Variants in GTPBP2 observed in about 807,000 individuals in gnomAD.
GTPBP2 encodes the protein GTP-binding protein 2.
GTPBP2 carries 32 observed loss-of-function variants against 63.0 expected under a neutral mutation model. The observed-to-expected ratio is 0.51, with a 90% CI of 0.38 to 0.68. The LOEUF (loss-of-function observed/expected upper bound fraction) is 0.68. GTPBP2 is among the 30% of genes least tolerant of loss of function. The pLI is 0.00. For missense variants in GTPBP2, 492 were observed against 796.9 expected (o/e 0.62, Z 4.61); for synonymous variants, 310 against 322.6 (o/e 0.96, Z 0.42).
rs957708183 is a variant in GTPBP2, at chr6:43,626,560, C to T, written c.214-150G>A. On this transcript the variant is annotated intron_variant, in intron 2 of 11. Transcript: ENST00000307126. The surrounding 1 kb of genome is among the most constrained non-coding windows in gnomAD (Gnocchi z 4.0). ...CCTCCAACAGAACGAGGTACAGAGCCCTTAACCTGAACCATATCCTTAAAC... is the reference window on the plus strand; with the variant it reads ...CCTCCAACAGAACGAGGTACAGAGCTCTTAACCTGAACCATATCCTTAAAC... The T allele has an allele frequency of 7.9e-6, 5 of 633,860 alleles. No individual in the cohort carries two copies. In the African/African-American group the frequency reaches 9.2e-5, roughly 12 times the overall value. The allele number at this position is 633,860 out of a possible 1,614,324, so 39.3% of individuals were successfully genotyped here. A position where few individuals can be genotyped will look rare whatever the true frequency, so the allele number is the denominator to read the frequency against.
chr6:43,629,075 C>G lies in GTPBP2; in HGVS notation c.88G>C (p.Ala30Pro). 6.3e-7 allele frequency: 1 copy of G among 1,598,388 alleles called. No homozygotes were observed. The highest frequency in any genetic ancestry group is 1.7e-5 in the Admixed American group (1 of 57,558). Residue 30 changes from alanine to proline, a missense_variant, in exon 1 of 12, where the codon GCC (alanine) becomes CCC (proline). Ala to Pro is a conservative substitution (Grantham distance 27). Transcript: ENST00000307126. Reference sequence around the variant, plus strand: ...CCCCCGCAGCCGCTGCTGCTGCCGGCCCCCCTAGCCTTGAGGGTTCCGCCC... The same window carrying G: ...CCCCCGCAGCCGCTGCTGCTGCCGGGCCCCCTAGCCTTGAGGGTTCCGCCC... ...AVGGTLKARG[A>P]GSSSGCGGPK... is the part of the protein sequence containing the mutation.
intron 11 of GTPBP2, 63 bp from the exon 12 acceptor site, chr6:43,621,853 G>T (rs1330043939): frequency 6.2e-7 from 1 of 1,611,864 alleles, no homozygotes; most frequent in Non-Finnish European, 8.5e-7. Flanking sequence ...TGCCAGCCGT[G>T]GCTCTCCACC....
chr6:43,623,492 C>G (rs2127837103), intron 9 of GTPBP2: 1 of 556,888 alleles, frequency 1.8e-6, no homozygotes. Flanking sequence ...CTTCCTGGAG[C>G]TCAAGACCCA....
chr6:43,628,266 C>T (rs1398644923), intron 1 of GTPBP2, among the ~76,000 whole-genome samples: 1 of 152,070 alleles, frequency 6.6e-6, no homozygotes, highest in African/African-American at 2.4e-5. Flanking sequence ...CGGGAGGCTG[C>T]AGCAGAAGAA....
At chr6:43,627,233 C>T in intron 1 of GTPBP2, 1 of 1,067,886 alleles carries the variant, frequency 9.4e-7, no homozygotes, top group Non-Finnish European at 1.2e-6. Context: ...CACGTTCTTC[C>T]TAGATGCAAG....
chr6:43,629,296 A>G (rs1283535500), upstream of GTPBP2: 1 of 643,724 alleles, frequency 1.6e-6, no homozygotes, highest in East Asian at 3.5e-5. Context: ...TACGCCCCCC[A>G]CCTCCCTGGC....
rs753537546 is a variant in GTPBP2 at position 43,624,909 on chromosome 6, C to G, written c.859G>C (p.Val287Leu). Reference protein sequence around the residue: ...SYCPDCALLLVSANTGIAGTT... With the variant: ...SYCPDCALLLLSANTGIAGTT... ...GTACCAATCCCAGTGTTGGCACTGA[C>G]GAGGAGCAGGGCGCAGTCGGGGCAG... The change falls in exon 6 of 12, where the codon GTC becomes CTC. Residue 287 changes from valine to leucine, a missense_variant. Val to Leu is a conservative substitution (Grantham distance 32). Around this residue, in one of 2 missense-constraint regions of GTPBP2, gnomAD observed 400 missense variants for 710.8 expected, o/e 0.56. Transcript: ENST00000307126. This position sits in a 1 kb window ranked among gnomAD's most constrained non-coding sequence, Gnocchi z 5.1. 2.5e-6 allele frequency: 4 copies of G among 1,613,958 alleles called. No homozygotes were observed. The highest frequency in any genetic ancestry group is 3.4e-6 in the Non-Finnish European group (4 of 1,179,998).
rs2127832274 is a variant in GTPBP2 at position 43,621,639 on chromosome 6, T to G, written c.1784A>C (p.Glu595Ala). The change falls in exon 12 of 12, where the codon GAA becomes GCA. Residue 595 changes from glutamate (E) to alanine (A), a missense_variant. By Grantham distance (107) the Glu-to-Ala change is moderately radical. Transcript: ENST00000307126. ...TCAGAAGCCCATGTTGGCCTGGGCT[T>G]CTCCTGCTGTAATGGCTTGTACATC... ...VTDVQAITAG[E>A]AQANMGF 3.1e-6 allele frequency: 5 copies of G among 1,614,244 alleles called. No homozygotes were observed. In the Admixed American group the frequency reaches 6.7e-5, roughly 22 times the overall value.
At position 43,626,195 on chromosome 6, in the gene GTPBP2, AAGG is replaced by A. The variant is rs754405041; in HGVS notation, c.398+28_398+30del. 1.2e-6 allele frequency: 2 copies of A among 1,601,836 alleles called. No individual in the cohort carries two copies. Among genetic ancestry groups the A allele is most frequent in the African/African-American group, 1.3e-5 (1 of 74,822 alleles). On this transcript the variant is annotated intron_variant, in intron 3 of 11. Transcript: ENST00000307126. The surrounding 1 kb of genome is among the most constrained non-coding windows in gnomAD (Gnocchi z 4.0). ...TGCATGGGTCCCCCCAAGTCAGGTA[AAGG>A]AGAACTGGTGGGGAAGGGGAAGCAT...
Position 43,625,578 on chromosome 6 carries a change from G to C in GTPBP2, c.508-18C>G. On this transcript the variant is annotated intron_variant, in intron 4 of 11. Coordinates refer to ENST00000307126, the MANE Select transcript of GTPBP2 (RefSeq NM_019096.5). This position sits in a 1 kb window ranked among gnomAD's most constrained non-coding sequence, Gnocchi z 5.1. ...TCTAGGAACTGTGGATGAATTGCCA[G>C]AGATAAGAACTCCAATCTCTCACCC... is the stretch of plus-strand genomic sequence containing the variant. The C allele has an allele frequency of 6.2e-7, 1 of 1,600,974 alleles. No homozygotes were observed. Among genetic ancestry groups the C allele is most frequent in the Non-Finnish European group, 8.6e-7 (1 of 1,168,052 alleles).
At chr6:43,623,132 T>C in intron 9 of GTPBP2, 1 of 259,146 alleles carries the variant, frequency 3.9e-6, no homozygotes. Context: ...GGCTCACACC[T>C]GTAATCCTAG....
Position 43,629,224 on chromosome 6 carries a change from C to T in GTPBP2, c.-62G>A. ...CCGACCGCCGCCGCCGTCGCCGCCG[C>T]CCTTACTGCCACTGCCGTGTCCGGC... On this transcript the variant is annotated 5_prime_UTR_variant, in exon 1 of 12. Transcript: ENST00000307126. 4.3e-6 allele frequency: 5 copies of T among 1,175,052 alleles called. No individual in the cohort carries two copies. Among genetic ancestry groups the T allele is most frequent in the South Asian group, 2.3e-5 (1 of 44,162 alleles). 72.8% of individuals were successfully genotyped at this position (1,175,052 alleles called of 1,614,324 possible). A position where few individuals can be genotyped will look rare whatever the true frequency, so the allele number is the denominator to read the frequency against.
chr6:43,626,550 G>A lies in GTPBP2; in HGVS notation c.214-140C>T. ...ACCTGATCCCCCTCCAACAGAACGA[G>A]GTACAGAGCCCTTAACCTGAACCAT... is the stretch of plus-strand genomic sequence containing the variant. On this transcript the variant is annotated intron_variant, in intron 2 of 11. Coordinates refer to ENST00000307126, the MANE Select transcript of GTPBP2 (RefSeq NM_019096.5). This position sits in a 1 kb window ranked among gnomAD's most constrained non-coding sequence, Gnocchi z 4.0. 1 of 651,986 alleles carries A rather than the reference G, an allele frequency of 1.5e-6. No homozygotes were observed. The highest frequency in any genetic ancestry group is 2.7e-6 in the Non-Finnish European group (1 of 376,674). 40.4% of individuals were successfully genotyped at this position (651,986 alleles called of 1,614,324 possible). A position where few individuals can be genotyped will look rare whatever the true frequency, so the allele number is the denominator to read the frequency against.
rs760476595 is a variant in GTPBP2, at chr6:43,624,884, G to C, written c.880+4C>G. 2.5e-6 allele frequency: 4 copies of C among 1,613,808 alleles called. No individual in the cohort carries two copies. The highest frequency in any genetic ancestry group is 3.4e-6 in the Non-Finnish European group (4 of 1,179,782). The stretch of plus-strand genomic sequence containing the variant: ...AGCCCTGTCCCTGCCCTAATGCCTC[G>C]TACCAATCCCAGTGTTGGCACTGAC... On this transcript the variant is annotated splice_donor_region_variant and intron_variant, in intron 6 of 11. Transcript: ENST00000307126. The surrounding 1 kb of genome is among the most constrained non-coding windows in gnomAD (Gnocchi z 5.1).
chr6:43,628,792 A>G, intron 1 of GTPBP2, 185 bp downstream of exon 1: 1 of 810,416 alleles, frequency 1.2e-6, no homozygotes, highest in Non-Finnish European at 2.2e-6. Context: ...CTGTCACCTG[A>G]GAGTCCAGTC....
Position 43,625,871 on chromosome 6 carries a change from CA to C in GTPBP2, c.399-8del, listed in dbSNP as rs1769278641. On this transcript the variant is annotated splice_region_variant and splice_polypyrimidine_tract_variant and intron_variant, in intron 3 of 11. Transcript: ENST00000307126. The surrounding 1 kb of genome is among the most constrained non-coding windows in gnomAD (Gnocchi z 5.1). The stretch of plus-strand genomic sequence containing the variant: ...GGTTATGTCTGCCCCAACCCTGTCA[CA>C]GCAAGGCCACAGCTGCCATATCTCA... The C allele has an allele frequency of 6.2e-7, 1 of 1,606,062 alleles. No homozygotes were observed.
In GTPBP2 at chr6:43,625,718, A is replaced by G. The variant is rs1554143799; in HGVS notation, c.507+38T>C. 8.5e-6 allele frequency: 13 copies of G among 1,522,146 alleles called. No individual in the cohort carries two copies. The South Asian group carries it at 1.5e-4, about 17-fold the overall frequency. The allele number at this position is 1,522,146 out of a possible 1,614,324, so 94.3% of individuals were successfully genotyped here. On this transcript the variant is annotated intron_variant, in intron 4 of 11. Transcript: ENST00000307126. This position sits in a 1 kb window ranked among gnomAD's most constrained non-coding sequence, Gnocchi z 5.1. The stretch of plus-strand genomic sequence containing the variant: ...GCCTGCCACCACAGGGCCCTTCCAC[A>G]GTGTGGACATGAGAGACAGGGATGG...
In GTPBP2 at chr6:43,622,051, G is replaced by A. The variant is rs748271435; in HGVS notation, c.1584C>T (p.His528=). 5.0e-6 allele frequency: 8 copies of A among 1,614,014 alleles called. No homozygotes were observed. The highest frequency in any genetic ancestry group is 1.6e-4 in the Middle Eastern group (1 of 6,084). The part of the protein sequence containing the change: ...TFRRGFQVTV[H]VGNVRQTAVV... The stretch of plus-strand genomic sequence containing the variant: ...CTGCCGTCTGACGTACGTTGCCCAC[G>A]TGTACTGTCACCTGGAATCCTCGTC... The change falls in exon 11 of 12, where the codon CAC becomes CAT. Residue 528 remains histidine, a synonymous_variant. Transcript: ENST00000307126. This position sits in a 1 kb window ranked among gnomAD's most constrained non-coding sequence, Gnocchi z 5.4.
In GTPBP2 at chr6:43,622,292, G is replaced by A; in HGVS notation, c.1468-125C>T. 1 of 757,452 alleles carries A rather than the reference G, an allele frequency of 1.3e-6. No homozygotes were observed. Among genetic ancestry groups the A allele is most frequent in the South Asian group, 1.8e-5 (1 of 54,274 alleles). The allele number at this position is 757,452 out of a possible 1,614,324, so 46.9% of individuals were successfully genotyped here. ...TCCTCTACACAACTCTAAACACAAA[G>A]ACCTCAAAAGACAATAATCAAAACT... On this transcript the variant is annotated intron_variant, in intron 10 of 11. Coordinates refer to ENST00000307126, the MANE Select transcript of GTPBP2 (RefSeq NM_019096.5). This position sits in a 1 kb window ranked among gnomAD's most constrained non-coding sequence, Gnocchi z 5.4.
Sources: allele counts gnomAD v4.1 joint callset (sites outside exome capture counted in the v4.1 genomes callset), GRCh38; gene constraint gnomAD v4.1.1; regional missense constraint gnomAD v4.1.1; non-coding constraint Gnocchi (gnomAD v3.1); transcripts MANE v1.5; gene names NCBI Gene and HGNC (gene_info 2026-07-23, HGNC 2026-07-21).